Variants in WDR62 observed in about 807,000 individuals in gnomAD.
WDR62 encodes WD repeat domain 62, also known as WD repeat-containing protein 62.
A neutral mutation model predicts 160.6 loss-of-function variants in WDR62; 112 were observed. The observed-to-expected ratio is 0.70, with a 90% CI of 0.60 to 0.82. The LOEUF is 0.82. WDR62 is among the 40% of genes least tolerant of loss of function. The probability of loss-of-function intolerance (pLI) is 0.00; values close to 1 mark genes in which losing one functional copy is unlikely to be tolerated. For missense variants in WDR62, 1,819 were observed against 1,983.8 expected, an observed-to-expected ratio of 0.92 and a Z score of 1.58; for synonymous variants, 792 against 815.1, an observed-to-expected ratio of 0.97 and a Z score of 0.48.
At chr19:36,099,348 T>G in intron 21 of WDR62, 51 bp from the exon 22 acceptor site, 1 of 1,530,076 alleles carries the variant, frequency 6.5e-7, no homozygotes, top group Non-Finnish European at 9.0e-7. Flanking sequence ...TGTCGCTCCC[T>G]GCAGTGAGTG....
intron 9 of WDR62, among the ~76,000 whole-genome samples, chr19:36,080,369 C>T (rs1971825918): frequency 6.6e-6 from 1 of 152,052 alleles, no homozygotes; most frequent in Non-Finnish European, 1.5e-5. Context: ...CCGCCTCGGC[C>T]TCCCGAAGTG....
chr19:36,055,073 GC>G lies in WDR62; in HGVS notation c.108del (p.Ala37ProfsTer40). The stretch of plus-strand genomic sequence containing the variant: ...CGGCGCGGAGGGGCCAGTCCTCCCC[GC>G]CCCCCGCCCCACCAATCTGCCTACG... ...VPARRGQSSPPPAPPICLRRR... is the reference protein window; with the variant it reads ...VPARRGQSSPXPAPPICLRRR... On this transcript the variant is annotated frameshift_variant, in exon 1 of 32. Coordinates refer to ENST00000401500, the MANE Select transcript of WDR62 (RefSeq NM_001083961.2). LOFTEE classifies it high-confidence loss of function. 6.3e-7 allele frequency: 1 copy of G among 1,587,570 alleles called. No homozygotes were observed. The highest frequency in any genetic ancestry group is 8.6e-7 in the Non-Finnish European group (1 of 1,167,696).
At chr19:36,066,180 G>A (rs1188257262) in intron 4 of WDR62, 77 bp from the exon 5 acceptor site, 1 of 1,606,774 alleles carries the variant, frequency 6.2e-7, no homozygotes, top group Non-Finnish European at 8.5e-7. Context: ...CTGTGGCAAT[G>A]CCATCTTCGG....
At position 36,067,433 on chromosome 19, in the gene WDR62, C is replaced by G. The variant is rs755943249; in HGVS notation, c.689C>G (p.Thr230Ser). Residue 230 changes from threonine to serine, a missense_variant, in exon 6 of 32, where the codon ACT (threonine) becomes AGT (serine). Around this residue, in one of 3 missense-constraint regions of WDR62, gnomAD observed 934 missense variants for 1,157.2 expected, o/e 0.81. Coordinates refer to ENST00000401500, the MANE Select transcript of WDR62 (RefSeq NM_001083961.2). ...HVRFWFLEVS[T>S]ETKVTSTVPL... ...AGGTTCTGGTTCTTGGAAGTCTCCA[C>G]TGAGACAAAGGTGAGTTTCTGTCCC... 1 of 1,614,232 alleles carries G rather than the reference C, an allele frequency of 6.2e-7. No homozygotes were observed. The highest frequency in any genetic ancestry group is 8.5e-7 in the Non-Finnish European group (1 of 1,180,038).
chr19:36,069,326 G>T (rs1465737008), intron 7 of WDR62, among the ~76,000 whole-genome samples: 1 of 151,966 alleles, frequency 6.6e-6, no homozygotes, highest in Non-Finnish European at 1.5e-5. Flanking sequence ...GGACGGCCAG[G>T]CAGAGACGCT....
intron 9 of WDR62, among the ~76,000 whole-genome samples, chr19:36,080,835 T>C (rs947670591): frequency 1.3e-5 from 2 of 152,254 alleles, no homozygotes; most frequent in Non-Finnish European, 2.9e-5. Flanking sequence ...TTATAATTTC[T>C]GGTTGGCTGC....
At chr19:36,081,791 C>T (rs1367793719) in intron 10 of WDR62, 2 of 682,386 alleles carry the variant, frequency 2.9e-6, no homozygotes, top group South Asian at 3.0e-5. Context: ...GATTCTTTGC[C>T]AGTTGGCTCC....
chr19:36,107,340 G>A (rs552141202), downstream of WDR62, among the ~76,000 whole-genome samples: 145 of 152,292 alleles, frequency 9.5e-4, no homozygotes, highest in African/African-American at 2.4e-3. Flanking sequence ...CCTGGCATAA[G>A]CCTGGAAGCG....
chr19:36,055,281 C>G, intron 1 of WDR62, 133 bp downstream of exon 1: 1 of 921,910 alleles, frequency 1.1e-6, no homozygotes, highest in South Asian at 1.5e-5. Context: ...TGCCTCGTCC[C>G]CTAACCCCCG....
At chr19:36,083,788 T>A (rs1347269094) in intron 11 of WDR62, among the ~76,000 whole-genome samples, 1 of 151,158 alleles carries the variant, frequency 6.6e-6, no homozygotes, top group African/African-American at 2.4e-5. Flanking sequence ...TGGAGGAGAG[T>A]TGGGGGAAAC....
In WDR62 at chr19:36,073,332, G is replaced by A; in HGVS notation, c.1044-10G>A. ...TTGATGGTGATTGATTACCCATGTGGCCTTGTTAGCTTCCTCTTCCACAGG... is the reference window on the plus strand; with the variant it reads ...TTGATGGTGATTGATTACCCATGTGACCTTGTTAGCTTCCTCTTCCACAGG... On this transcript the variant is annotated splice_polypyrimidine_tract_variant and intron_variant, in intron 8 of 31. Coordinates refer to ENST00000401500, the MANE Select transcript of WDR62 (RefSeq NM_001083961.2). 2.5e-6 allele frequency: 4 copies of A among 1,614,068 alleles called. No individual in the cohort carries two copies. Among genetic ancestry groups the A allele is most frequent in the Non-Finnish European group, 3.4e-6 (4 of 1,179,952 alleles).
rs746402119 is a variant in WDR62, at chr19:36,104,932, G to T, written c.4476G>T (p.Thr1492=). 31 of 1,608,638 alleles carry T rather than the reference G, an allele frequency of 1.9e-5. No individual in the cohort carries two copies. The highest frequency in any genetic ancestry group is 2.5e-5 in the Non-Finnish European group (29 of 1,178,910). The part of the protein sequence containing the change: ...LPSPGPPSPP[T]LYPLASPDLQ... ...GCCCAGGACCCCCGTCCCCACCGAC[G>T]CTGTACCCCCTGGCCAGCCCAGACC... Residue 1492 remains threonine, a synonymous_variant, in exon 32 of 32, where the codon ACG becomes ACT. Transcript: ENST00000401500.
At position 36,073,535 on chromosome 19, in the gene WDR62, A is replaced by T. The variant is rs1971411746; in HGVS notation, c.1233+4A>T. On this transcript the variant is annotated splice_donor_region_variant and intron_variant, in intron 9 of 31. Transcript: ENST00000401500. Reference sequence around the variant, plus strand: ...CTCCTACGTTTGGAACGTGGAGGTGAGCCCCCCCCCCACCCCCTTGCCCCT... The same window carrying T: ...CTCCTACGTTTGGAACGTGGAGGTGTGCCCCCCCCCCACCCCCTTGCCCCT... The T allele has an allele frequency of 2.8e-6, 4 of 1,433,066 alleles. No individual in the cohort carries two copies. Among genetic ancestry groups the T allele is most frequent in the Non-Finnish European group, 3.9e-6 (4 of 1,026,710 alleles). 88.8% of individuals were successfully genotyped at this position (1,433,066 alleles called of 1,614,324 possible).
In WDR62 at chr19:36,091,753, G is replaced by A. The variant is rs2145787415; in HGVS notation, c.2210+288G>A. Among the ~76,000 whole-genome samples, 3 of 151,914 alleles carry A rather than the reference G, an allele frequency of 2.0e-5. No homozygotes were observed. The South Asian group carries it at 6.2e-4, about 32-fold the overall frequency. On this transcript the variant is annotated intron_variant, in intron 18 of 31. Transcript: ENST00000401500. ...CTCTACAAAAAATTAGCCGGGTGTG[G>A]TCATGTACACCTCTAGTCCCAGCTA...
At position 36,066,382 on chromosome 19, in the gene WDR62, C is replaced by T. The variant is rs755562871; in HGVS notation, c.516C>T (p.Ser172=). The part of the protein sequence containing the change: ...AFSPNMKHIV[S]MGYQHDMVLN... Reference sequence around the variant, plus strand: ...CACCCAATATGAAGCACATCGTGTCCATGGGCTACCAACATGACATGGTGC... The same window carrying T: ...CACCCAATATGAAGCACATCGTGTCTATGGGCTACCAACATGACATGGTGC... The change falls in exon 5 of 32, where the codon TCC becomes TCT. Residue 172 remains serine (S), a synonymous_variant. Coordinates refer to ENST00000401500, the MANE Select transcript of WDR62 (RefSeq NM_001083961.2). The T allele has an allele frequency of 5.0e-6, 8 of 1,612,306 alleles. No individual in the cohort carries two copies. Among genetic ancestry groups the T allele is most frequent in the Admixed American group, 1.7e-5 (1 of 59,672 alleles).
intron 8 of WDR62, 49 bp from the exon 9 acceptor site, chr19:36,073,293 A>G: frequency 6.3e-7 from 1 of 1,583,990 alleles, no homozygotes; most frequent in Non-Finnish European, 8.7e-7. Context: ...GGTGGCTGTC[A>G]CTACTCAGTG....
chr19:36,067,913 G>C lies in WDR62; in HGVS notation c.785G>C (p.Arg262Pro). ...ATCTTCTGTGGTGTGGCCTGCGGTC[G>C]GGGCCGGATGGCGGGCAGTACCTTC... The part of the protein sequence containing the change: ...NNIFCGVACG[R>P]GRMAGSTFCV... Residue 262 changes from arginine to proline, a missense_variant, in exon 7 of 32, where the codon CGG becomes CCG. By Grantham distance (103) the Arg-to-Pro change is moderately radical (BLOSUM62 -2). Coordinates refer to ENST00000401500, the MANE Select transcript of WDR62 (RefSeq NM_001083961.2). 6.2e-7 allele frequency: 1 copy of C among 1,614,188 alleles called. No homozygotes were observed. The highest frequency in any genetic ancestry group is 8.5e-7 in the Non-Finnish European group (1 of 1,180,034).
At chr19:36,104,452 G>C in intron 30 of WDR62, 66 bp from the exon 31 acceptor site, 1 of 1,593,828 alleles carries the variant, frequency 6.3e-7, no homozygotes, top group Non-Finnish European at 8.6e-7. Flanking sequence ...AGTCCACCCA[G>C]TCGCTCTGGC....
intron 22 of WDR62, 105 bp from the exon 23 acceptor site, chr19:36,100,643 C>A: frequency 6.4e-7 from 1 of 1,559,012 alleles, no homozygotes; most frequent in Non-Finnish European, 8.8e-7. Flanking sequence ...GGCACAGGCC[C>A]TGGTTCACAG....
Sources: gnomAD v4.1 joint callset for allele counts (sites outside exome capture counted in the v4.1 genomes callset) on GRCh38, gnomAD v4.1.1 for gene constraint, gnomAD v4.1.1 regional missense constraint, MANE v1.5 for transcripts, NCBI Gene and HGNC (gene_info 2026-07-23, HGNC 2026-07-21) for gene names.